FNIP1: variants seen among roughly 807,000 people sequenced by gnomAD.
FNIP1 encodes the protein folliculin interacting protein 1.
In FNIP1, 40 loss-of-function variants were observed where a neutral mutation model predicts 124.5. That is an observed-to-expected ratio of 0.32 (90% CI 0.25 to 0.42). The LOEUF is 0.42. Among genes scored for constraint, FNIP1 ranks in the 10% least tolerant of loss-of-function variants. The pLI is 1.00. For synonymous variants in FNIP1, 472 were observed against 470.6 expected (o/e 1.00, Z -0.04); for missense variants, 1,176 against 1,403.7 (o/e 0.84, Z 2.59).
chr5:131,667,537 C>A (rs1767636365), intron 15 of FNIP1, among the ~76,000 whole-genome samples: 1 of 152,070 alleles, frequency 6.6e-6, no homozygotes, highest in Non-Finnish European at 1.5e-5. Context: ...ATTTTCTCAT[C>A]CATAATTTCC....
At position 131,744,182 on chromosome 5, in the gene FNIP1, CA is replaced by C. The variant is rs529118382; in HGVS notation, c.219+381del. Among the ~76,000 whole-genome samples, 549 of 132,146 alleles carry C rather than the reference CA, an allele frequency of 4.2e-3. 2 individuals are homozygous for C. The highest frequency in any genetic ancestry group is 0.011 in the African/African-American group (394 of 35,982). 86.7% of individuals were successfully genotyped at this position (132,146 alleles called of 152,430 possible). ...AAATTCAATAGGATACTATCAAATA[CA>C]AAAAAAAAAACTTCAATAAATGTTT... On this transcript the variant is annotated intron_variant, in intron 2 of 17. Coordinates refer to ENST00000510461, the MANE Select transcript of FNIP1 (RefSeq NM_133372.3).
chr5:131,779,560 C>A (rs1340209269), intron 1 of FNIP1, among the ~76,000 whole-genome samples: 1 of 150,674 alleles, frequency 6.6e-6, no homozygotes, highest in African/African-American at 2.4e-5. Flanking sequence ...TGGCGGCGTG[C>A]GCCTGTAGTC....
intron 1 of FNIP1, among the ~76,000 whole-genome samples, chr5:131,775,262 T>G (rs1771762091): frequency 1.3e-5 from 2 of 152,176 alleles, no homozygotes; most frequent in Admixed American, 1.3e-4. Flanking sequence ...GAGCTTTTTT[T>G]GCCCCCTGGC....
chr5:131,682,522 C>T lies in FNIP1; in HGVS notation c.1203-3347G>A, dbSNP rs183278958. Reference sequence around the variant, plus strand: ...TCACCTGAGGTTGAGAGTTCAAGACCAGCCTGGCCAACATGGCAAAATCCC... The same window carrying T: ...TCACCTGAGGTTGAGAGTTCAAGACTAGCCTGGCCAACATGGCAAAATCCC... On this transcript the variant is annotated intron_variant, in intron 11 of 17. Coordinates refer to ENST00000510461, the MANE Select transcript of FNIP1 (RefSeq NM_133372.3). Among the ~76,000 whole-genome samples, 85 of 152,012 alleles carry T rather than the reference C, an allele frequency of 5.6e-4. No individual in the cohort carries two copies. The East Asian group carries it at 9.9e-3, about 18-fold the overall frequency.
rs139783709 is a variant in FNIP1 at position 131,769,779 on chromosome 5, GAA to G, written c.93-25091_93-25090del. 5.5e-3 allele frequency among the ~76,000 whole-genome samples: 823 copies of G among 150,876 alleles called. 2 individuals are homozygous for G. Among genetic ancestry groups the G allele is most frequent in the Non-Finnish European group, 8.6e-3 (588 of 68,004 alleles). ...TAACATCCTGCTTTTTTGTTTCACT[GAA>G]GAGTCTGGGATTTTTACAGAAGCAA... is the stretch of plus-strand genomic sequence containing the variant. On this transcript the variant is annotated intron_variant, in intron 1 of 17. Transcript: ENST00000510461.
intron 16 of FNIP1, among the ~76,000 whole-genome samples, chr5:131,647,469 A>AT (rs1200496729): frequency 5.6e-4 from 81 of 144,310 alleles, no homozygotes; most frequent in African/African-American, 2.1e-3. Context: ...CCTTTTAACC[A>AT]TTTTTTGTTT....
chr5:131,685,936 TGTG>T (rs1222181515), intron 11 of FNIP1, among the ~76,000 whole-genome samples: 2 of 152,224 alleles, frequency 1.3e-5, no homozygotes, highest in Non-Finnish European at 2.9e-5. Context: ...GTTGTGTGTA[TGTG>T]TGTGTTTGAA....
intron 1 of FNIP1, among the ~76,000 whole-genome samples, chr5:131,783,251 G>C (rs541745373): frequency 1.3e-5 from 2 of 151,966 alleles, no homozygotes; most frequent in Admixed American, 6.5e-5. Flanking sequence ...CCAGACTCAT[G>C]GTCATTAGGA....
chr5:131,739,879 G>A (rs1580800815), intron 2 of FNIP1, among the ~76,000 whole-genome samples: 1 of 146,988 alleles, frequency 6.8e-6, no homozygotes, highest in East Asian at 2.0e-4. Flanking sequence ...ATTTTCAAAT[G>A]TGATAGGACT....
intron 15 of FNIP1, among the ~76,000 whole-genome samples, chr5:131,657,736 C>CAAAAAAAAAAAAAAAAAAAAAAAAA (rs59097834): frequency 1.5e-5 from 1 of 65,056 alleles, no homozygotes; most frequent in African/African-American, 6.2e-5. Context: ...GAAAATAAGG[C>CAAAAAAAAAAAAAAAAAAAAAAAAA]AAAAAAAAAA....
intron 1 of FNIP1, among the ~76,000 whole-genome samples, chr5:131,776,912 T>C (rs937326811): frequency 6.6e-6 from 1 of 152,162 alleles, no homozygotes; most frequent in African/African-American, 2.4e-5. Flanking sequence ...TCCGTACACT[T>C]TTCTGAATAC....
At chr5:131,698,384 G>C (rs1246299770) in intron 11 of FNIP1, among the ~76,000 whole-genome samples, 1 of 152,206 alleles carries the variant, frequency 6.6e-6, no homozygotes, top group Non-Finnish European at 1.5e-5. Flanking sequence ...TAGTATGTAT[G>C]TCACATAGTT....
intron 6 of FNIP1, 116 bp downstream of exon 6, chr5:131,716,449 A>G: frequency 1.7e-6 from 1 of 592,760 alleles, no homozygotes; most frequent in Non-Finnish European, 2.9e-6. Context: ...TTCCACTTAC[A>G]GTATTTGAAA....
At chr5:131,663,477 C>T (rs1421529639) in intron 15 of FNIP1, among the ~76,000 whole-genome samples, 1 of 152,094 alleles carries the variant, frequency 6.6e-6, no homozygotes, top group Non-Finnish European at 1.5e-5. Context: ...AAAATGGAAA[C>T]TTTAATCCCT....
At position 131,662,931 on chromosome 5, in the gene FNIP1, C is replaced by T. The variant is rs78921370; in HGVS notation, c.3108+7532G>A. On this transcript the variant is annotated intron_variant, in intron 15 of 17. Coordinates refer to ENST00000510461, the MANE Select transcript of FNIP1 (RefSeq NM_133372.3). ...CTACTTTTTATATTTTTAGTGGAGA[C>T]GGGGTTTTGCCATGTTGGTAAGGCT... 6.4e-3 allele frequency among the ~76,000 whole-genome samples: 968 copies of T among 151,872 alleles called. 8 individuals are homozygous for T. Among genetic ancestry groups the T allele is most frequent in the African/African-American group, 0.022 (906 of 41,412 alleles).
chr5:131,643,858 A>G lies in FNIP1; in HGVS notation c.*827T>C, dbSNP rs1430902155. On this transcript the variant is annotated 3_prime_UTR_variant, in exon 18 of 18. Transcript: ENST00000510461. ...ATTTTCATTTATGTTAAATTAGTGA[A>G]TATGTAAATATTAATATTTATAAGA... The G allele has an allele frequency of 6.6e-6, 1 of 152,566 alleles. No homozygotes were observed. The highest frequency in any genetic ancestry group is 2.4e-5 in the African/African-American group (1 of 41,450). The allele number at this position is 152,566 out of a possible 1,614,324, so 9.5% of individuals were successfully genotyped here.
intron 11 of FNIP1, among the ~76,000 whole-genome samples, chr5:131,690,977 T>C (rs1394033454): frequency 1.3e-5 from 2 of 152,182 alleles, no homozygotes; most frequent in African/African-American, 2.4e-5. Flanking sequence ...AAGGATATAA[T>C]AGAGCTGAAC....
intron 1 of FNIP1, among the ~76,000 whole-genome samples, chr5:131,763,534 C>T (rs1019122): frequency 0.63 from 96,355 of 151,782 alleles, 32,698 homozygotes; most frequent in Non-Finnish European, 0.77. Context: ...TGGAGAAAGG[C>T]GAAGAAGGAG....
At position 131,672,389 on chromosome 5, in the gene FNIP1, TC is replaced by T; in HGVS notation, c.2054del (p.Gly685AspfsTer5). On this transcript the variant is annotated frameshift_variant, in exon 14 of 18. Coordinates refer to ENST00000510461, the MANE Select transcript of FNIP1 (RefSeq NM_133372.3). LOFTEE classifies it high-confidence loss of function. ...ATGCACATTTGTCTACTGGAACAGATCCTGTGCAAACAACTGTCTCTAACTT... is the reference window on the plus strand; with the variant it reads ...ATGCACATTTGTCTACTGGAACAGATCTGTGCAAACAACTGTCTCTAACTT... ...DAKLETVVCTGSVPVDKCALS... is the reference protein window; with the variant it reads ...DAKLETVVCTXSVPVDKCALS... 1.2e-6 allele frequency: 2 copies of T among 1,614,172 alleles called. No homozygotes were observed. The highest frequency in any genetic ancestry group is 1.7e-6 in the Non-Finnish European group (2 of 1,180,040).
Sources: allele counts gnomAD v4.1 joint callset (sites outside exome capture counted in the v4.1 genomes callset), GRCh38; gene constraint gnomAD v4.1.1; transcripts MANE v1.5; gene names NCBI Gene and HGNC (gene_info 2026-07-23, HGNC 2026-07-21).